The following AKT3 variants were observed in gnomAD, a reference collection of about 807,000 sequenced individuals.
AKT3 encodes AKT serine/threonine kinase 3, also known as RAC-gamma serine/threonine-protein kinase.
In AKT3, 15 loss-of-function variants were observed where a neutral mutation model predicts 65.3. The observed-to-expected ratio is 0.23, with a 90% CI of 0.15 to 0.35. AKT3 has a LOEUF of 0.35. AKT3 is among the 10% of genes least tolerant of loss of function. The pLI, the probability that AKT3 is intolerant of heterozygous loss-of-function variation, is 1.00. For synonymous variants in AKT3, 206 were observed against 183.8 expected (o/e 1.12, Z -0.98); for missense variants, 243 against 576.5 (o/e 0.42, Z 5.92).
intron 2 of AKT3, among the ~76,000 whole-genome samples, chr1:243,795,774 C>G (rs1003719731): frequency 6.6e-6 from 1 of 152,130 alleles, no homozygotes; most frequent in Non-Finnish European, 1.5e-5. Flanking sequence ...CCCGGCCGAT[C>G]TCCTTGTTTT....
At chr1:243,499,141 C>T (rs1668841921), downstream of AKT3, among the ~76,000 whole-genome samples, 1 of 152,198 alleles carries the variant, frequency 6.6e-6, no homozygotes, top group Admixed American at 6.5e-5. Context: ...TTGTGATTCT[C>T]CCCCAACCTG....
intron 12 of AKT3, among the ~76,000 whole-genome samples, chr1:243,524,194 G>A (rs4460621): frequency 0.065 from 9,959 of 152,260 alleles, 1,073 homozygotes; most frequent in African/African-American, 0.23. Flanking sequence ...TGGTATATGC[G>A]GTGTGTTGAC....
intron 1 of AKT3, chr1:243,843,703 G>T: frequency 2.2e-6 from 1 of 460,674 alleles, no homozygotes; most frequent in Non-Finnish European, 2.8e-6. Flanking sequence ...CCAGGCTGGA[G>T]TACAGTGGCG....
intron 5 of AKT3, among the ~76,000 whole-genome samples, chr1:243,639,954 C>T (rs1680250144): frequency 6.6e-6 from 1 of 152,106 alleles, no homozygotes; most frequent in Non-Finnish European, 1.5e-5. Flanking sequence ...GAAAACAATG[C>T]AAGAAAACTA....
chr1:243,564,578 G>A (rs891759193), intron 9 of AKT3, among the ~76,000 whole-genome samples: 1 of 152,076 alleles, frequency 6.6e-6, no homozygotes, highest in Admixed American at 6.6e-5. Flanking sequence ...TGTAAGAGAG[G>A]AGGAATTTGT....
chr1:243,495,446 T>C (rs1173093936), downstream of AKT3, among the ~76,000 whole-genome samples: 1 of 152,154 alleles, frequency 6.6e-6, no homozygotes, highest in East Asian at 1.9e-4. Context: ...CTGACTGCGG[T>C]GTGGAGGCTG....
At chr1:243,510,038 CCTT>C (rs1385173444) in intron 13 of AKT3, among the ~76,000 whole-genome samples, 1 of 152,102 alleles carries the variant, frequency 6.6e-6, no homozygotes, top group Non-Finnish European at 1.5e-5. Flanking sequence ...CATTTTAGAG[CCTT>C]CTTATTTCTA....
chr1:243,511,467 G>T (rs1397636616), intron 13 of AKT3, among the ~76,000 whole-genome samples: 1 of 152,084 alleles, frequency 6.6e-6, no homozygotes, highest in Non-Finnish European at 1.5e-5. Context: ...CAGCACTATG[G>T]ATAAATCTGC....
At chr1:243,832,657 C>G (rs910036423) in intron 2 of AKT3, among the ~76,000 whole-genome samples, 1 of 152,134 alleles carries the variant, frequency 6.6e-6, no homozygotes, top group African/African-American at 2.4e-5. Context: ...TCAAGGCGCT[C>G]TCCCATTCCT....
intron 8 of AKT3, among the ~76,000 whole-genome samples, chr1:243,610,311 A>T (rs1677775876): frequency 6.6e-6 from 1 of 152,214 alleles, no homozygotes; most frequent in East Asian, 1.9e-4. Context: ...AAATAATCCA[A>T]TGAATATTTG....
intron 2 of AKT3, among the ~76,000 whole-genome samples, chr1:243,785,389 TTATAA>T (rs1272334643): frequency 3.9e-5 from 6 of 152,028 alleles, no homozygotes. Context: ...CACCTCAATT[TTATAA>T]TATAATTTTC....
intron 1 of AKT3, among the ~76,000 whole-genome samples, chr1:243,847,640 T>C (rs548872831): frequency 6.6e-6 from 1 of 152,196 alleles, no homozygotes; most frequent in Non-Finnish European, 1.5e-5. Flanking sequence ...CTATGCTAAG[T>C]CCATTTGTTC....
chr1:243,567,089 G>A (rs1304963126), intron 9 of AKT3, among the ~76,000 whole-genome samples: 3 of 152,110 alleles, frequency 2.0e-5, no homozygotes, highest in Non-Finnish European at 4.4e-5. Context: ...AGACCAGCCT[G>A]GGCAACATGG....
intron 2 of AKT3, among the ~76,000 whole-genome samples, chr1:243,827,050 A>ATT: frequency 6.6e-6 from 1 of 151,852 alleles, no homozygotes; most frequent in East Asian, 1.9e-4. Context: ...GGAAGGAAAA[A>ATT]ACTCAATACC....
intron 12 of AKT3, among the ~76,000 whole-genome samples, chr1:243,523,593 C>A (rs944957499): frequency 1.3e-5 from 2 of 152,028 alleles, no homozygotes; most frequent in Non-Finnish European, 2.9e-5. Context: ...ATGAAGAAAA[C>A]ACTGAGCCCC....
chr1:243,575,312 T>C (rs574592351), intron 8 of AKT3, among the ~76,000 whole-genome samples: 1 of 152,174 alleles, frequency 6.6e-6, no homozygotes. Context: ...AATTCAGCAT[T>C]CATTTAGTGA....
At chr1:243,850,784 T>C (rs2148493916), upstream of AKT3, among the ~76,000 whole-genome samples, 1 of 149,234 alleles carries the variant, frequency 6.7e-6, no homozygotes, top group African/African-American at 2.5e-5. Context: ...GCGCCCCCTC[T>C]CCTCTCGCGA....
chr1:243,623,585 C>A (rs1323736722), intron 6 of AKT3, among the ~76,000 whole-genome samples: 1 of 152,124 alleles, frequency 6.6e-6, no homozygotes, highest in Non-Finnish European at 1.5e-5. Context: ...CTTCTCCTGT[C>A]CTTGGACATC....
In AKT3 at chr1:243,505,311, T is replaced by C. The variant is rs774657057; in HGVS notation, c.1378A>G (p.Met460Val). The change falls in exon 14 of 14, where the codon ATG (methionine) becomes GTG (valine). Residue 460 changes from methionine to valine, a missense_variant. Met to Val is a conservative substitution (Grantham distance 21). This residue lies in a region of AKT3 where 57 missense variants were observed against 107.6 expected (regional missense o/e 0.53). Coordinates refer to ENST00000673466, the MANE Select transcript of AKT3 (RefSeq NM_005465.7). The part of the protein sequence containing the change: ...EKYDEDGMDC[M>V]DNERRPHFPQ... ...AAATGCGGCCGCCTCTCATTGTCCA[T>C]GCAGTCCATACCATCCTCATCATCT... is the stretch of plus-strand genomic sequence containing the variant. The C allele has an allele frequency of 1.9e-6, 3 of 1,614,214 alleles. No individual in the cohort carries two copies. The highest frequency in any genetic ancestry group is 2.5e-6 in the Non-Finnish European group (3 of 1,180,024).
Sources: gnomAD v4.1 joint callset for allele counts (sites outside exome capture counted in the v4.1 genomes callset) on GRCh38, gnomAD v4.1.1 for gene constraint, gnomAD v4.1.1 regional missense constraint, MANE v1.5 for transcripts, NCBI Gene and HGNC (gene_info 2026-07-23, HGNC 2026-07-21) for gene names.